ERBB4: variants seen among roughly 807,000 people sequenced by gnomAD.
ERBB4 encodes receptor tyrosine-protein kinase erbB-4.
A neutral mutation model predicts 158.0 loss-of-function variants in ERBB4; 42 were observed. That is an observed-to-expected ratio of 0.27 (90% CI 0.21 to 0.34). The LOEUF is 0.34. Ranked by LOEUF, ERBB4 falls within the 10% of genes least tolerant of loss-of-function variation. The probability of loss-of-function intolerance (pLI) is 1.00; values close to 1 mark genes in which losing one functional copy is unlikely to be tolerated. For missense variants in ERBB4, 1,333 were observed against 1,624.1 expected, an observed-to-expected ratio of 0.82 and a Z score of 3.08; for synonymous variants, 583 against 558.7, an observed-to-expected ratio of 1.04 and a Z score of -0.61.
At chr2:211,641,604 A>G (rs1366414793) in intron 16 of ERBB4, among the ~76,000 whole-genome samples, 2 of 152,112 alleles carry the variant, frequency 1.3e-5, no homozygotes, top group African/African-American at 4.8e-5. Context: ...AAATTATTTA[A>G]TTGAAAAAGA....
chr2:211,760,727 G>A (rs574509570), intron 4 of ERBB4, among the ~76,000 whole-genome samples: 3 of 152,226 alleles, frequency 2.0e-5, no homozygotes, highest in African/African-American at 7.2e-5. Context: ...AAATGGAGGT[G>A]TACACTATAC....
chr2:211,511,038 C>CA (rs1316882113), intron 20 of ERBB4, among the ~76,000 whole-genome samples: 4 of 151,324 alleles, frequency 2.6e-5, no homozygotes, highest in East Asian at 1.9e-4. Flanking sequence ...AAACAACAAC[C>CA]AAAAAAACAG....
chr2:211,587,848 G>A (rs1244776906), intron 19 of ERBB4, among the ~76,000 whole-genome samples: 1 of 152,058 alleles, frequency 6.6e-6, no homozygotes, highest in Admixed American at 6.6e-5. Context: ...CCTTGACCTG[G>A]GATTATATTC....
At chr2:212,482,108 T>C (rs546438433) in intron 1 of ERBB4, among the ~76,000 whole-genome samples, 3 of 152,232 alleles carry the variant, frequency 2.0e-5, no homozygotes, top group African/African-American at 4.8e-5. Flanking sequence ...AATTTCAAAC[T>C]GTGTTGACAC....
chr2:212,288,141 A>T (rs761009643), intron 1 of ERBB4, among the ~76,000 whole-genome samples: 16 of 152,156 alleles, frequency 1.1e-4, no homozygotes, highest in Non-Finnish European at 2.1e-4. Flanking sequence ...TCCTGCTGAC[A>T]TGAGACATGG....
chr2:211,383,789 G>T lies in ERBB4; in HGVS notation c.3753C>A (p.Ser1251Arg), dbSNP rs1300035312. 14 of 1,614,090 alleles carry T rather than the reference G, an allele frequency of 8.7e-6. No homozygotes were observed. Among genetic ancestry groups the T allele is most frequent in the Non-Finnish European group, 1.2e-5 (14 of 1,180,006 alleles). Residue 1251 changes from serine (S) to arginine (R), a missense_variant, in exon 28 of 28, where the codon AGC becomes AGA. By Grantham distance (110) the Ser-to-Arg change is moderately radical. Coordinates refer to ENST00000342788, the MANE Select transcript of ERBB4 (RefSeq NM_005235.3). ...GCAGGTAGTCTGGGTGCTGAAGGGT[G>T]CTCCGAGGTGGCAGGCTGTGGTTCC... is the stretch of plus-strand genomic sequence containing the variant. ...DYWNHSLPPRSTLQHPDYLQE... is the reference protein window; with the variant it reads ...DYWNHSLPPRRTLQHPDYLQE...
intron 5 of ERBB4, among the ~76,000 whole-genome samples, chr2:211,748,040 AATAT>A (rs1370238536): frequency 2.0e-5 from 3 of 151,698 alleles, no homozygotes; most frequent in Admixed American, 2.0e-4. Context: ...TAGATGTTAT[AATAT>A]ATAGTTTTTT....
At chr2:212,526,030 C>G (rs570678505) in intron 1 of ERBB4, among the ~76,000 whole-genome samples, 5 of 152,036 alleles carry the variant, frequency 3.3e-5, no homozygotes, top group African/African-American at 1.2e-4. Context: ...TTTTGGTTCT[C>G]CTTTTTTTTC....
At chr2:212,008,428 CATGAA>C (rs1385607078) in intron 2 of ERBB4, among the ~76,000 whole-genome samples, 1 of 152,038 alleles carries the variant, frequency 6.6e-6, no homozygotes, top group Non-Finnish European at 1.5e-5. Flanking sequence ...ACACCAAGGA[CATGAA>C]GATGAATTAA....
At chr2:211,573,760 T>A (rs1257296254) in intron 19 of ERBB4, among the ~76,000 whole-genome samples, 1 of 152,186 alleles carries the variant, frequency 6.6e-6, no homozygotes, top group East Asian at 1.9e-4. Flanking sequence ...CTGTATTCTT[T>A]CCTGCCTGGA....
intron 1 of ERBB4, among the ~76,000 whole-genome samples, chr2:212,278,354 C>T (rs577175058): frequency 6.6e-6 from 1 of 151,622 alleles, no homozygotes; most frequent in African/African-American, 2.4e-5. Context: ...TTCCTTTTGA[C>T]TTTATCAAAC....
At chr2:211,591,687 A>G (rs758099357) in intron 19 of ERBB4, among the ~76,000 whole-genome samples, 59 of 151,920 alleles carry the variant, frequency 3.9e-4, no homozygotes, top group Non-Finnish European at 6.8e-4. Flanking sequence ...GCAGTCCTCA[A>G]AGCAAAGAGA....
At chr2:211,784,841 G>T (rs1317237554) in intron 4 of ERBB4, among the ~76,000 whole-genome samples, 1 of 151,990 alleles carries the variant, frequency 6.6e-6, no homozygotes, top group African/African-American at 2.4e-5. Flanking sequence ...TTTGGGGTTG[G>T]TTTTTCTCTA....
chr2:212,530,881 A>G (rs761178825), intron 1 of ERBB4, among the ~76,000 whole-genome samples: 14 of 152,316 alleles, frequency 9.2e-5, no homozygotes, highest in Middle Eastern at 3.4e-3. Context: ...TTATTGTACC[A>G]TTCACTTTCT....
intron 1 of ERBB4, among the ~76,000 whole-genome samples, chr2:212,455,470 C>A (rs1294849813): frequency 6.6e-6 from 1 of 152,104 alleles, no homozygotes; most frequent in Non-Finnish European, 1.5e-5. Context: ...TAGCCACTAG[C>A]CACATGGCTG....
Position 211,633,413 on chromosome 2 carries a change from T to A in ERBB4, c.1947-2819A>T, listed in dbSNP as rs578013267. Among the ~76,000 whole-genome samples, 15 of 151,552 alleles carry A rather than the reference T, an allele frequency of 9.9e-5. No individual in the cohort carries two copies. In the East Asian group the frequency reaches 2.7e-3, roughly 27 times the overall value. On this transcript the variant is annotated intron_variant, in intron 16 of 27. Coordinates refer to ENST00000342788, the MANE Select transcript of ERBB4 (RefSeq NM_005235.3). ...AGATCTGGAATAATATAAAATAATA[T>A]ACTAAATAGTAGTTGTCTCTGGGTA...
chr2:211,421,842 C>T (rs541154418), intron 24 of ERBB4, among the ~76,000 whole-genome samples, 165 bp downstream of exon 24: 5 of 151,966 alleles, frequency 3.3e-5, no homozygotes, highest in South Asian at 4.2e-4. Context: ...GTGGATCTGA[C>T]GTGAAATAAA....
intron 1 of ERBB4, among the ~76,000 whole-genome samples, chr2:212,523,461 T>C (rs779266704): frequency 1.3e-5 from 2 of 152,022 alleles, no homozygotes; most frequent in Non-Finnish European, 2.9e-5. Flanking sequence ...TTCTCTATTG[T>C]TTTTTAAATT....
At chr2:212,014,858 G>A (rs935068823) in intron 2 of ERBB4, among the ~76,000 whole-genome samples, 1 of 150,724 alleles carries the variant, frequency 6.6e-6, no homozygotes, top group African/African-American at 2.4e-5. Flanking sequence ...ACCCTTTATT[G>A]GCATCTAGCT....
Sources: allele counts gnomAD v4.1 joint callset (sites outside exome capture counted in the v4.1 genomes callset), GRCh38; gene constraint gnomAD v4.1.1; transcripts MANE v1.5; gene names NCBI Gene and HGNC (gene_info 2026-07-23, HGNC 2026-07-21).